The following AQP7B variants were observed in gnomAD, a reference collection of about 807,000 sequenced individuals.
The protein encoded by AQP7B is aquaporin 7B.
chr2:94,596,582 A>G, the AQP7B span, among the ~76,000 whole-genome samples: 169 of 152,292 alleles, frequency 1.1e-3, 2 homozygotes, highest in East Asian at 0.03. Context: ...TTAAAGCCTG[A>G]CTTCTCACTT....
At chr2:94,595,189 C>T in the AQP7B span, among the ~76,000 whole-genome samples, 1 of 152,152 alleles carries the variant, frequency 6.6e-6, no homozygotes, top group Non-Finnish European at 1.5e-5. Flanking sequence ...AATTCCAGCA[C>T]TTTGGGAGGC....
At chr2:94,602,511 T>C in the AQP7B span, 4 of 1,605,422 alleles carry the variant, frequency 2.5e-6, no homozygotes, top group Non-Finnish European at 3.4e-6. Context: ...CTTGGTTCTG[T>C]GGCCCATATG....
chr2:94,602,992 T>C, the AQP7B span: 1 of 1,560,042 alleles, frequency 6.4e-7, no homozygotes, highest in Admixed American at 1.8e-5. Context: ...GTCACTGTTG[T>C]TTGTTCTGCT....
At chr2:94,591,227 C>T in the AQP7B span, among the ~76,000 whole-genome samples, 3 of 152,036 alleles carry the variant, frequency 2.0e-5, no homozygotes, top group Non-Finnish European at 4.4e-5. Flanking sequence ...CACTGGCCAT[C>T]CCACCCAAGT....
At chr2:94,598,208 G>A in the AQP7B span, among the ~76,000 whole-genome samples, 1 of 152,114 alleles carries the variant, frequency 6.6e-6, no homozygotes, top group Non-Finnish European at 1.5e-5. Flanking sequence ...CAAGAAGTGA[G>A]GGCTTTTTTT....
the AQP7B span, among the ~76,000 whole-genome samples, chr2:94,601,479 GTGGTAAAACCATGCCTGAAAAGACCTT>G: frequency 6.6e-6 from 1 of 152,326 alleles, no homozygotes; most frequent in African/African-American, 2.4e-5. Flanking sequence ...AACTGTCTAC[GTGGTAAAACCATGCCTGAAAAGACCTT>G]TGGAAAATCA....
chr2:94,601,994 C>T, the AQP7B span, among the ~76,000 whole-genome samples: 1 of 150,354 alleles, frequency 6.7e-6, no homozygotes, highest in Non-Finnish European at 1.5e-5. Flanking sequence ...CCCCACTGTT[C>T]CAGCATTGTG....
At chr2:94,591,856 A>G in the AQP7B span, among the ~76,000 whole-genome samples, 3 of 151,878 alleles carry the variant, frequency 2.0e-5, no homozygotes, top group Non-Finnish European at 4.4e-5. Context: ...CCTCTAGGCC[A>G]TTCACTTCCT....
At chr2:94,592,739 A>G in the AQP7B span, among the ~76,000 whole-genome samples, 1 of 145,398 alleles carries the variant, frequency 6.9e-6, no homozygotes, top group Non-Finnish European at 1.5e-5. Flanking sequence ...TATGCTTACT[A>G]TGTTCAGGCA....
At chr2:94,597,592 C>T in the AQP7B span, among the ~76,000 whole-genome samples, 1 of 150,388 alleles carries the variant, frequency 6.6e-6, no homozygotes. Flanking sequence ...CCAGTGCAGT[C>T]TAATATCACA....
At chr2:94,595,417 A>G in the AQP7B span, among the ~76,000 whole-genome samples, 5 of 152,022 alleles carry the variant, frequency 3.3e-5, no homozygotes, top group Admixed American at 6.6e-5. Context: ...CCTGGGTGAC[A>G]GGAGCGAAAC....
At chr2:94,587,989 T>G in the AQP7B span, among the ~76,000 whole-genome samples, 2 of 151,620 alleles carry the variant, frequency 1.3e-5, no homozygotes, top group Non-Finnish European at 2.9e-5. Flanking sequence ...AAGATAGGAG[T>G]ACAAAGGGGA....
chr2:94,594,723 G>A, the AQP7B span: 1 of 1,500,168 alleles, frequency 6.7e-7, no homozygotes, highest in Admixed American at 1.7e-5. Context: ...TTCTGTCCCT[G>A]GGCTCGGGCC....
At chr2:94,590,618 CAGTT>C in the AQP7B span, among the ~76,000 whole-genome samples, 4 of 151,996 alleles carry the variant, frequency 2.6e-5, no homozygotes, top group Non-Finnish European at 5.9e-5. Flanking sequence ...ACAGGAGAAT[CAGTT>C]AGTTGGTTTT....
the AQP7B span, among the ~76,000 whole-genome samples, chr2:94,590,678 C>T: frequency 6.6e-6 from 1 of 152,048 alleles, no homozygotes. Context: ...CATGGTGGCT[C>T]ACGCCTGAAA....
At chr2:94,593,849 G>C in the AQP7B span, among the ~76,000 whole-genome samples, 6 of 151,956 alleles carry the variant, frequency 3.9e-5, no homozygotes, top group Admixed American at 3.9e-4. Context: ...AGTCCTATAC[G>C]TCTCCCTATA....
At chr2:94,591,626 C>T in the AQP7B span, among the ~76,000 whole-genome samples, 3 of 152,160 alleles carry the variant, frequency 2.0e-5, no homozygotes, top group African/African-American at 7.2e-5. Context: ...GCCATGAGGC[C>T]TTCTGCCACC....
At chr2:94,591,313 C>A in the AQP7B span, among the ~76,000 whole-genome samples, 3 of 152,168 alleles carry the variant, frequency 2.0e-5, no homozygotes, top group Admixed American at 1.3e-4. Context: ...CTCTGCTGTG[C>A]CCCACGCTAG....
the AQP7B span, chr2:94,603,277 A>G: frequency 2.1e-6 from 3 of 1,406,254 alleles, no homozygotes; most frequent in East Asian, 2.4e-5. Flanking sequence ...TAGCTGGGAG[A>G]AAAAAGCCTT....
Sources: allele counts gnomAD v4.1 joint callset (sites outside exome capture counted in the v4.1 genomes callset), GRCh38; gene constraint gnomAD v4.1.1; transcripts MANE v1.5; gene names NCBI Gene and HGNC (gene_info 2026-07-23, HGNC 2026-07-21).